Variants in DMD observed in about 807,000 individuals in gnomAD.
DMD encodes mutant dystrophin.
DMD carries 63 observed loss-of-function variants against 330.1 expected under a neutral mutation model. That is an observed-to-expected ratio of 0.19 (90% confidence interval 0.16 to 0.24). DMD has a LOEUF of 0.24. Among genes scored for constraint, DMD ranks in the 10% least tolerant of loss-of-function variants. The pLI, the probability that DMD is intolerant of heterozygous loss-of-function variation, is 1.00. For synonymous variants in DMD, 1,223 were observed against 959.8 expected, an observed-to-expected ratio of 1.27 and a Z score of -5.07; for missense variants, 3,344 against 2,684.1, an observed-to-expected ratio of 1.25 and a Z score of -5.43.
intron 41 of DMD, among the ~76,000 whole-genome samples, chrX:32,319,666 G>C (rs1435903157): frequency 9.0e-6 from 1 of 110,900 alleles, no homozygotes; most frequent in East Asian, 2.8e-4. Context: ...TGCGTGCTTA[G>C]GTCCTTAAAT....
At chrX:31,530,647 CT>C (rs1192286078) in intron 55 of DMD, among the ~76,000 whole-genome samples, 8,932 of 49,641 alleles carry the variant, frequency 0.18, 409 homozygotes, top group Non-Finnish European at 0.2. Flanking sequence ...ACTGGTTTCT[CT>C]TTTTTTTTTT....
At chrX:32,064,537 C>G (rs184553587) in intron 44 of DMD, among the ~76,000 whole-genome samples, 24 of 111,398 alleles carry the variant, frequency 2.2e-4, no homozygotes, top group African/African-American at 7.5e-4. Context: ...AAAGTATGAG[C>G]CATCATGTCC....
Position 32,565,858 on chromosome X carries a change from C to T in DMD, c.1836G>A (p.Lys612=). The change falls in exon 16 of 79, where the codon AAG becomes AAA. Residue 612 remains lysine, a synonymous_variant. Transcript: ENST00000357033. ...KLAVLKADLE[K]KKQSMGKLYS... is the part of the protein sequence containing the mutation. ...ACAGTTTGCCCATGGATTGCTTTTT[C>T]TTTTCTAGATCCGCTTTTAAAACCT... The T allele has an allele frequency of 1.7e-6, 2 of 1,211,084 alleles. No individual in the cohort carries two copies. The highest frequency in any genetic ancestry group is 2.2e-6 in the Non-Finnish European group (2 of 895,092).
At chrX:31,578,288 T>C (rs904281007) in intron 55 of DMD, among the ~76,000 whole-genome samples, 1 of 111,619 alleles carries the variant, frequency 9.0e-6, no homozygotes, top group African/African-American at 3.3e-5. Context: ...GATGCGGAGA[T>C]TGATGCTGAG....
intron 9 of DMD, among the ~76,000 whole-genome samples, chrX:32,686,831 A>G (rs1330779837): frequency 1.8e-5 from 2 of 111,253 alleles, no homozygotes; most frequent in Admixed American, 1.9e-4. Flanking sequence ...CCTACAGAAA[A>G]TGTGACAGTG....
chrX:31,662,502 T>G (rs1434628093), intron 53 of DMD, among the ~76,000 whole-genome samples: 1 of 112,233 alleles, frequency 8.9e-6, no homozygotes, highest in Non-Finnish European at 1.9e-5. Flanking sequence ...CATTAAAATT[T>G]TAAGGTTGAA....
intron 62 of DMD, among the ~76,000 whole-genome samples, chrX:31,276,032 G>A (rs941253402): frequency 1.5e-4 from 17 of 112,094 alleles, no homozygotes; most frequent in African/African-American, 5.2e-4. Flanking sequence ...TTTAAGAAGC[G>A]AGGAAAATTT....
chrX:31,944,480 C>G (rs1472947954), intron 45 of DMD, among the ~76,000 whole-genome samples: 1 of 98,622 alleles, frequency 1.0e-5, no homozygotes, highest in East Asian at 3.1e-4. Flanking sequence ...ACAATTACCA[C>G]TTTTTTTTTT....
chrX:31,757,876 G>T lies in DMD; in HGVS notation c.7542+16084C>A, dbSNP rs1431997752. 3.6e-5 allele frequency among the ~76,000 whole-genome samples: 4 copies of T among 111,028 alleles called. No homozygotes were observed. The East Asian group carries it at 1.1e-3, about 32-fold the overall frequency. On this transcript the variant is annotated intron_variant, in intron 51 of 78. Transcript: ENST00000357033. ...CTTCCTGGAGTAGCCCACATCCAGT[G>T]CATGACTTGACACGGGGTTATAAAG...
intron 1 of DMD, among the ~76,000 whole-genome samples, chrX:33,036,370 G>T (rs1602965708): frequency 9.0e-6 from 1 of 110,917 alleles, no homozygotes; most frequent in Non-Finnish European, 1.9e-5. Flanking sequence ...AAAATAACAG[G>T]TTTTCCAATG....
intron 2 of DMD, among the ~76,000 whole-genome samples, chrX:32,876,237 A>G (rs2083367275): frequency 8.9e-6 from 1 of 111,903 alleles, no homozygotes; most frequent in South Asian, 3.7e-4. Context: ...TTCTTGCCAC[A>G]TCCTTTAATT....
chrX:32,991,678 G>A (rs747044577), intron 2 of DMD, among the ~76,000 whole-genome samples: 6 of 111,573 alleles, frequency 5.4e-5, no homozygotes, highest in African/African-American at 9.8e-5. Context: ...GGTTGTATGC[G>A]CAGAAGCATA....
chrX:33,330,468 C>T (rs2054155976), intron 1 of DMD, among the ~76,000 whole-genome samples: 1 of 111,603 alleles, frequency 9.0e-6, no homozygotes, highest in African/African-American at 3.3e-5. Context: ...GAAACATTTT[C>T]AGGTAGCTTC....
intron 9 of DMD, among the ~76,000 whole-genome samples, chrX:32,664,484 G>A (rs2061174006): frequency 9.1e-6 from 1 of 109,763 alleles, no homozygotes; most frequent in African/African-American, 3.3e-5. Flanking sequence ...CTCGTGATCC[G>A]CCCGCCTCGG....
At chrX:32,384,214 G>A (rs2097943312) in intron 33 of DMD, among the ~76,000 whole-genome samples, 1 of 110,058 alleles carries the variant, frequency 9.1e-6, no homozygotes. Context: ...TGAGACTAGA[G>A]ATTACTCAGT....
chrX:32,696,494 A>T (rs751749366), intron 9 of DMD, among the ~76,000 whole-genome samples: 46 of 112,038 alleles, frequency 4.1e-4, no homozygotes, highest in Non-Finnish European at 7.9e-4. Context: ...ATGACATATT[A>T]TGTATTTGGT....
intron 13 of DMD, among the ~76,000 whole-genome samples, chrX:32,589,638 T>A (rs1273649312): frequency 1.8e-5 from 2 of 111,421 alleles, no homozygotes; most frequent in African/African-American, 6.5e-5. Context: ...ACCCTTTGTA[T>A]CTCAAACTAA....
chrX:31,835,649 C>T (rs952118827), intron 49 of DMD, among the ~76,000 whole-genome samples: 1 of 111,473 alleles, frequency 9.0e-6, no homozygotes, highest in Non-Finnish European at 1.9e-5. Context: ...CAAACTTCAA[C>T]TCTACCTAAG....
At chrX:32,266,666 G>T (rs1320751032) in intron 43 of DMD, among the ~76,000 whole-genome samples, 1 of 111,672 alleles carries the variant, frequency 9.0e-6, no homozygotes, top group Non-Finnish European at 1.9e-5. Flanking sequence ...GTACATGTAA[G>T]AAATCTGATT....
Sources: gnomAD v4.1 joint callset for allele counts (sites outside exome capture counted in the v4.1 genomes callset) on GRCh38, gnomAD v4.1.1 for gene constraint, MANE v1.5 for transcripts, NCBI Gene and HGNC (gene_info 2026-07-23, HGNC 2026-07-21) for gene names.